The following FAT3 variants were observed in gnomAD, a reference collection of about 807,000 sequenced individuals.
FAT3 encodes FAT atypical cadherin 3, also known as protocadherin Fat 3.
A neutral mutation model predicts 310.2 loss-of-function variants in FAT3; 95 were observed. That is an observed-to-expected ratio of 0.31 (90% CI 0.26 to 0.36). The LOEUF (loss-of-function observed/expected upper bound fraction) is 0.36, where lower values mean the gene tolerates loss of function less well. FAT3 is among the 10% of genes least tolerant of loss of function. The pLI is 1.00. For synonymous variants in FAT3, 2,314 were observed against 2,192.9 expected, an observed-to-expected ratio of 1.06 and a Z score of -1.54; for missense variants, 5,408 against 5,715.6, an observed-to-expected ratio of 0.95 and a Z score of 1.74.
chr11:92,701,238 A>T (rs1944087744), intron 4 of FAT3, among the ~76,000 whole-genome samples: 1 of 152,344 alleles, frequency 6.6e-6, no homozygotes, highest in South Asian at 2.1e-4. Flanking sequence ...CTGAATAGAT[A>T]ACCAGGAGGA....
At chr11:92,540,775 G>GTTT (rs58218154) in intron 3 of FAT3, among the ~76,000 whole-genome samples, 6 of 140,646 alleles carry the variant, frequency 4.3e-5, no homozygotes, top group African/African-American at 1.6e-4. Flanking sequence ...GTTTTGTTTT[G>GTTT]TTTTTTTTGA....
At chr11:92,417,170 T>C (rs746138798) in intron 2 of FAT3, among the ~76,000 whole-genome samples, 4 of 152,256 alleles carry the variant, frequency 2.6e-5, no homozygotes, top group Non-Finnish European at 5.9e-5. Context: ...GATTTTGTTG[T>C]GGTTCATTTC....
intron 3 of FAT3, among the ~76,000 whole-genome samples, chr11:92,533,220 G>T (rs1240460614): frequency 6.6e-6 from 1 of 152,100 alleles, no homozygotes; most frequent in African/African-American, 2.4e-5. Flanking sequence ...TAGAAATGGG[G>T]TCTCACTCTG....
intron 4 of FAT3, among the ~76,000 whole-genome samples, chr11:92,705,412 ATGGTGGTAGTGGTGG>A (rs1944253057): frequency 3.2e-5 from 1 of 31,704 alleles, no homozygotes; most frequent in Non-Finnish European, 6.4e-5. Context: ...GGTGGTGGTG[ATGGTGGTAGTGGTGG>A]TGGTGGTGAT....
intron 19 of FAT3, among the ~76,000 whole-genome samples, chr11:92,854,299 G>T (rs1444056684): frequency 6.6e-6 from 1 of 152,200 alleles, no homozygotes; most frequent in East Asian, 1.9e-4. Context: ...CAGGGGAAAG[G>T]GGTGGGGCTT....
intron 1 of FAT3, among the ~76,000 whole-genome samples, chr11:92,234,078 T>C (rs2134235709): frequency 6.6e-6 from 1 of 152,354 alleles, no homozygotes; most frequent in Non-Finnish European, 1.5e-5. Flanking sequence ...CTTTATACAA[T>C]AGATATGTTT....
chr11:92,617,978 C>T (rs1940895215), intron 3 of FAT3, among the ~76,000 whole-genome samples: 1 of 152,188 alleles, frequency 6.6e-6, no homozygotes, highest in African/African-American at 2.4e-5. Flanking sequence ...TCTCAAACTC[C>T]ATGCTGGGAG....
intron 21 of FAT3, among the ~76,000 whole-genome samples, chr11:92,861,471 A>G (rs1266547906): frequency 6.6e-6 from 1 of 152,228 alleles, no homozygotes; most frequent in Non-Finnish European, 1.5e-5. Flanking sequence ...GGTATATTGC[A>G]TTTCATGAAA....
At chr11:92,403,050 A>G (rs766120558) in intron 2 of FAT3, among the ~76,000 whole-genome samples, 16 of 152,188 alleles carry the variant, frequency 1.1e-4, no homozygotes, top group Non-Finnish European at 1.9e-4. Context: ...TAGCAGGCCC[A>G]TCAGTCTTAC....
chr11:92,516,806 C>A (rs572578652), intron 2 of FAT3, among the ~76,000 whole-genome samples: 3 of 152,094 alleles, frequency 2.0e-5, no homozygotes, highest in Admixed American at 1.3e-4. Context: ...GGATACAAAG[C>A]CAATGTGCAA....
chr11:92,800,240 G>A lies in FAT3; in HGVS notation c.7227G>A (p.Arg2409=). The A allele has an allele frequency of 6.2e-7, 1 of 1,613,938 alleles. No homozygotes were observed. Among genetic ancestry groups the A allele is most frequent in the Non-Finnish European group, 8.5e-7 (1 of 1,179,866 alleles). Residue 2409 remains arginine, a synonymous_variant, in exon 10 of 28, where the codon CGG becomes CGA. Coordinates refer to ENST00000525166, the MANE Select transcript of FAT3 (RefSeq NM_001367949.2). The stretch of plus-strand genomic sequence containing the variant: ...CATATGTGAGTGAATTAGCCCCCCG[G>A]GGCCATTTTGTAACCTGTGTACAAG... The part of the protein sequence containing the change: ...YESYVSELAP[R]GHFVTCVQAS...
chr11:92,729,168 G>T (rs893733661), intron 4 of FAT3, among the ~76,000 whole-genome samples: 2 of 152,060 alleles, frequency 1.3e-5, no homozygotes, highest in African/African-American at 4.8e-5. Context: ...TGCTACTGGT[G>T]CACTTGATCA....
intron 1 of FAT3, among the ~76,000 whole-genome samples, chr11:92,243,884 A>G (rs183133528): frequency 5.1e-4 from 77 of 152,220 alleles, no homozygotes; most frequent in African/African-American, 1.7e-3. Context: ...AGCTTCAACT[A>G]TGTTATTACT....
At chr11:92,803,130 A>G (rs1021377699) in intron 10 of FAT3, among the ~76,000 whole-genome samples, 7 of 151,838 alleles carry the variant, frequency 4.6e-5, no homozygotes, top group Non-Finnish European at 7.4e-5. Flanking sequence ...ATTTTCAGGA[A>G]AAAAAAAGCT....
chr11:92,456,903 G>A (rs1217108016), intron 2 of FAT3, among the ~76,000 whole-genome samples: 2 of 152,152 alleles, frequency 1.3e-5, no homozygotes, highest in African/African-American at 4.8e-5. Context: ...ATGCCTACAT[G>A]ACCATGGATG....
chr11:92,618,903 C>T (rs1320741301), intron 3 of FAT3, among the ~76,000 whole-genome samples: 1 of 151,978 alleles, frequency 6.6e-6, no homozygotes, highest in Non-Finnish European at 1.5e-5. Flanking sequence ...CAAGAGCATA[C>T]ACCCTTTTCT....
At chr11:92,794,796 CA>C (rs1289246986) in intron 9 of FAT3, among the ~76,000 whole-genome samples, 1 of 152,144 alleles carries the variant, frequency 6.6e-6, no homozygotes, top group Non-Finnish European at 1.5e-5. Context: ...ACAATGTTCA[CA>C]ATAAATCTCA....
intron 2 of FAT3, among the ~76,000 whole-genome samples, chr11:92,359,686 G>A (rs1423190243): frequency 1.0e-4 from 14 of 139,692 alleles, no homozygotes. Context: ...GTGTCCATGT[G>A]ATCTCATTGT....
chr11:92,343,709 C>T (rs938492366), intron 1 of FAT3, among the ~76,000 whole-genome samples: 1 of 152,178 alleles, frequency 6.6e-6, no homozygotes, highest in Non-Finnish European at 1.5e-5. Context: ...ATTCTTCAGT[C>T]GAAATGTGGG....
Sources: allele counts gnomAD v4.1 joint callset (sites outside exome capture counted in the v4.1 genomes callset), GRCh38; gene constraint gnomAD v4.1.1; transcripts MANE v1.5; gene names NCBI Gene and HGNC (gene_info 2026-07-23, HGNC 2026-07-21).